Variants in MGAT4A observed in about 807,000 individuals in gnomAD.
The protein encoded by MGAT4A is alpha-1,3-mannosyl-glycoprotein 4-beta-N-acetylglucosaminyltransferase A, also known as N-acetylglucosaminyltransferase IVa.
Under a neutral mutation model 74.1 loss-of-function variants are expected in MGAT4A, and 33 were observed. That is an observed-to-expected ratio of 0.45 (90% CI 0.34 to 0.60). MGAT4A has a LOEUF of 0.60. Ranked by LOEUF, MGAT4A falls within the 20% of genes least tolerant of loss-of-function variation. MGAT4A has a pLI of 0.02. For missense variants in MGAT4A, 479 were observed against 628.3 expected, an observed-to-expected ratio of 0.76 and a Z score of 2.54; for synonymous variants, 198 against 210.4, an observed-to-expected ratio of 0.94 and a Z score of 0.51.
chr2:98,717,635 T>C (rs894374536), intron 2 of MGAT4A, among the ~76,000 whole-genome samples: 1 of 152,238 alleles, frequency 6.6e-6, no homozygotes, highest in Non-Finnish European at 1.5e-5. Context: ...AAGGGAAATC[T>C]GTGTACTATT....
At chr2:98,708,086 C>A (rs1260900627) in intron 2 of MGAT4A, among the ~76,000 whole-genome samples, 1 of 151,972 alleles carries the variant, frequency 6.6e-6, no homozygotes, top group African/African-American at 2.4e-5. Context: ...GTTAAGCCTA[C>A]GACATCCTCC....
chr2:98,666,812 T>C (rs1039131552), intron 4 of MGAT4A, among the ~76,000 whole-genome samples: 2 of 152,174 alleles, frequency 1.3e-5, no homozygotes, highest in African/African-American at 4.8e-5. Context: ...ATCCACAGTG[T>C]GCAAACAAGA....
rs1039897329 is a variant in MGAT4A, at chr2:98,726,531, C to G, written c.-199G>C. 21 of 457,172 alleles carry G rather than the reference C, an allele frequency of 4.6e-5. No individual in the cohort carries two copies. In the Admixed American group the frequency reaches 7.8e-4, roughly 17 times the overall value. The allele number at this position is 457,172 out of a possible 1,614,324, so 28.3% of individuals were successfully genotyped here. A position where few individuals can be genotyped will look rare whatever the true frequency, so the allele number is the denominator to read the frequency against. On this transcript the variant is annotated 5_prime_UTR_variant, in exon 2 of 16. Coordinates refer to ENST00000393487, the MANE Select transcript of MGAT4A (RefSeq NM_012214.3). Reference sequence around the variant, plus strand: ...ACAACTGTACTCGGGATCGTCTTTGCGGTCTTCACACGCTGATGCCTCGGC... The same window carrying G: ...ACAACTGTACTCGGGATCGTCTTTGGGGTCTTCACACGCTGATGCCTCGGC...
intron 2 of MGAT4A, among the ~76,000 whole-genome samples, chr2:98,704,674 G>A (rs1203449778): frequency 6.6e-6 from 1 of 152,044 alleles, no homozygotes; most frequent in Non-Finnish European, 1.5e-5. Context: ...GGAGGCTAAG[G>A]TGGGAGGATG....
At chr2:98,715,205 C>T (rs1702575621) in intron 2 of MGAT4A, among the ~76,000 whole-genome samples, 1 of 151,294 alleles carries the variant, frequency 6.6e-6, no homozygotes, top group Non-Finnish European at 1.5e-5. Context: ...GTAATCCCAG[C>T]TACTCAGGTG....
intron 2 of MGAT4A, chr2:98,725,832 T>G: frequency 4.2e-6 from 1 of 237,146 alleles, no homozygotes; most frequent in Non-Finnish European, 8.0e-6. Flanking sequence ...ATAATTAGCA[T>G]GTAAATCTCA....
chr2:98,706,048 T>C (rs1702426834), intron 2 of MGAT4A, among the ~76,000 whole-genome samples: 1 of 149,886 alleles, frequency 6.7e-6, no homozygotes, highest in Non-Finnish European at 1.5e-5. Context: ...AGAAAACCAA[T>C]GCAGACGCTG....
At chr2:98,702,872 TAAAC>T (rs1702371797) in intron 2 of MGAT4A, among the ~76,000 whole-genome samples, 1 of 152,170 alleles carries the variant, frequency 6.6e-6, no homozygotes, top group Non-Finnish European at 1.5e-5. Context: ...TCCAGTTACT[TAAAC>T]AAATAGCAAA....
At chr2:98,688,332 C>CAA (rs1176205307) in intron 2 of MGAT4A, among the ~76,000 whole-genome samples, 2 of 152,098 alleles carry the variant, frequency 1.3e-5, no homozygotes, top group Admixed American at 1.3e-4. Context: ...GACACTGTCA[C>CAA]AAGCGGACTC....
At chr2:98,688,606 AAGAGCTT>A (rs1371781642) in intron 2 of MGAT4A, among the ~76,000 whole-genome samples, 1 of 152,248 alleles carries the variant, frequency 6.6e-6, no homozygotes, top group East Asian at 1.9e-4. Flanking sequence ...CCATGTGACA[AAGAGCTT>A]AGAGCTGCAT....
intron 3 of MGAT4A, among the ~76,000 whole-genome samples, chr2:98,675,563 T>TTG (rs1485686466): frequency 3.9e-5 from 6 of 151,990 alleles, no homozygotes; most frequent in Non-Finnish European, 7.4e-5. Flanking sequence ...TTTTTTTTTT[T>TTG]TGTGACAGGG....
intron 2 of MGAT4A, among the ~76,000 whole-genome samples, chr2:98,697,967 T>C (rs953028732): frequency 2.6e-5 from 4 of 152,250 alleles, no homozygotes; most frequent in African/African-American, 7.2e-5. Context: ...AAATTTTTCA[T>C]TGACTTGATC....
chr2:98,655,415 C>G (rs370158029), intron 8 of MGAT4A, 30 bp downstream of exon 8: 3 of 1,504,220 alleles, frequency 2.0e-6, no homozygotes, highest in Non-Finnish European at 2.7e-6. Flanking sequence ...TCTTTACAAG[C>G]ATGAAAAACA....
At chr2:98,645,343 T>G in intron 9 of MGAT4A, 85 bp downstream of exon 9, 3 of 1,001,390 alleles carry the variant, frequency 3.0e-6, no homozygotes, top group Non-Finnish European at 4.3e-6. Flanking sequence ...AAAAAAGACA[T>G]CTTTAGGACA....
chr2:98,730,835 C>G (rs1026456105), intron 1 of MGAT4A, among the ~76,000 whole-genome samples: 9 of 146,938 alleles, frequency 6.1e-5, no homozygotes, highest in Non-Finnish European at 1.2e-4. Flanking sequence ...CTCCCGGAGC[C>G]GGCCCCGCGC....
intron 7 of MGAT4A, chr2:98,655,809 A>AC (rs1701650655): frequency 4.3e-6 from 1 of 232,716 alleles, no homozygotes; most frequent in Non-Finnish European, 8.2e-6. Context: ...CCTTCTAGAA[A>AC]CATATTAATT....
chr2:98,713,185 CAAAAAAAA>C (rs139508612), intron 2 of MGAT4A, among the ~76,000 whole-genome samples: 3 of 54,220 alleles, frequency 5.5e-5, no homozygotes, highest in African/African-American at 2.0e-4. Flanking sequence ...GATCATGTCT[CAAAAAAAA>C]AAAAAAAAAA....
Position 98,726,520 on chromosome 2 carries a change from G to A in MGAT4A, c.-188C>T. 2.1e-6 allele frequency: 1 copy of A among 486,948 alleles called. No homozygotes were observed. The highest frequency in any genetic ancestry group is 3.7e-6 in the Non-Finnish European group (1 of 273,750). The allele number at this position is 486,948 out of a possible 1,614,324, so 30.2% of individuals were successfully genotyped here. On this transcript the variant is annotated 5_prime_UTR_variant, in exon 2 of 16. Coordinates refer to ENST00000393487, the MANE Select transcript of MGAT4A (RefSeq NM_012214.3). ...CAATGCTGTTCACAACTGTACTCGG[G>A]ATCGTCTTTGCGGTCTTCACACGCT...
intron 4 of MGAT4A, among the ~76,000 whole-genome samples, chr2:98,664,981 T>G (rs940963659): frequency 6.6e-6 from 1 of 152,192 alleles, no homozygotes; most frequent in Non-Finnish European, 1.5e-5. Flanking sequence ...CAACTTAGTC[T>G]TAATCATGCA....
Sources: allele counts gnomAD v4.1 joint callset (sites outside exome capture counted in the v4.1 genomes callset), GRCh38; gene constraint gnomAD v4.1.1; transcripts MANE v1.5; gene names NCBI Gene and HGNC (gene_info 2026-07-23, HGNC 2026-07-21).